Variants in ZPBP observed in about 807,000 individuals in gnomAD.
ZPBP encodes zona pellucida binding protein, also known as zona pellucida-binding protein 1.
In ZPBP, 26 loss-of-function variants were observed where a neutral mutation model predicts 44.8. The ratio of observed to expected loss-of-function variants is 0.58; its 90% CI spans 0.43 to 0.81. The LOEUF is 0.81. ZPBP is among the 30% of genes least tolerant of loss of function. The pLI is 0.00. For missense variants in ZPBP, 409 were observed against 434.0 expected (o/e 0.94, Z 0.51); for synonymous variants, 174 against 153.2 (o/e 1.14, Z -1.00).
At chr7:50,053,798 T>C (rs1038885871) in intron 4 of ZPBP, among the ~76,000 whole-genome samples, 5 of 152,190 alleles carry the variant, frequency 3.3e-5, no homozygotes, top group African/African-American at 1.2e-4. Flanking sequence ...ATATTGAACA[T>C]TGCTCTTTGT....
intron 4 of ZPBP, among the ~76,000 whole-genome samples, chr7:50,045,781 A>C (rs955859037): frequency 6.6e-6 from 1 of 152,218 alleles, no homozygotes; most frequent in Non-Finnish European, 1.5e-5. Flanking sequence ...TTCTTCACAG[A>C]ACTAGAAAAA....
downstream of ZPBP, among the ~76,000 whole-genome samples, chr7:49,849,222 C>T (rs149398959): frequency 1.2e-4 from 18 of 152,340 alleles, no homozygotes; most frequent in East Asian, 3.5e-3. Flanking sequence ...CAGTCACCAT[C>T]TCTTTATCAC....
chr7:50,038,878 G>A (rs1404900844), intron 4 of ZPBP, among the ~76,000 whole-genome samples: 2 of 152,126 alleles, frequency 1.3e-5, no homozygotes, highest in African/African-American at 2.4e-5. Flanking sequence ...GCCATACCAC[G>A]TAGCCTACGT....
intron 2 of ZPBP, among the ~76,000 whole-genome samples, chr7:49,868,617 G>C (rs1303344989): frequency 6.6e-6 from 1 of 152,060 alleles, no homozygotes; most frequent in Non-Finnish European, 1.5e-5. Context: ...CTCATGTAGG[G>C]AGTTTTTTGT....
At chr7:50,008,200 C>A (rs960689763) in intron 6 of ZPBP, among the ~76,000 whole-genome samples, 1 of 151,922 alleles carries the variant, frequency 6.6e-6, no homozygotes, top group African/African-American at 2.4e-5. Flanking sequence ...AATCAACATG[C>A]AAATATCAGT....
intron 7 of ZPBP, among the ~76,000 whole-genome samples, chr7:49,982,778 G>C (rs187728642): frequency 1.3e-5 from 2 of 151,874 alleles, no homozygotes; most frequent in African/African-American, 4.8e-5. Flanking sequence ...CTCAATAATA[G>C]AAATGCAAAG....
At chr7:49,898,979 T>C (rs561567660) in intron 2 of ZPBP, among the ~76,000 whole-genome samples, 106 of 152,036 alleles carry the variant, frequency 7.0e-4, no homozygotes, top group African/African-American at 2.4e-3. Context: ...GTGAGAAATA[T>C]GGCAGATATT....
chr7:49,961,711 T>A (rs1795866961), intron 7 of ZPBP, among the ~76,000 whole-genome samples: 1 of 152,124 alleles, frequency 6.6e-6, no homozygotes, highest in South Asian at 2.1e-4. Context: ...TCCCAATAAG[T>A]GTTAATAGCA....
intron 1 of ZPBP, among the ~76,000 whole-genome samples, chr7:49,928,566 A>G (rs897648922): frequency 2.6e-5 from 4 of 152,318 alleles, no homozygotes; most frequent in Admixed American, 6.5e-5. Context: ...ACAGCACTCT[A>G]TAACTGATGC....
intron 5 of ZPBP, among the ~76,000 whole-genome samples, chr7:50,028,160 AT>A (rs1799421781): frequency 6.6e-6 from 1 of 151,990 alleles, no homozygotes; most frequent in Non-Finnish European, 1.5e-5. Flanking sequence ...TAGCAAACCA[AT>A]TCCAGCAGTA....
intron 5 of ZPBP, among the ~76,000 whole-genome samples, chr7:50,020,973 T>C (rs1799067051): frequency 2.0e-5 from 3 of 152,032 alleles, no homozygotes; most frequent in African/African-American, 7.2e-5. Context: ...TCAGAGGACA[T>C]GACAAAAGAT....
chr7:49,970,422 C>T (rs993813095), intron 7 of ZPBP, among the ~76,000 whole-genome samples: 1 of 143,380 alleles, frequency 7.0e-6, no homozygotes, highest in East Asian at 2.1e-4. Flanking sequence ...ACCAATCAGA[C>T]CTAAGAGTAT....
intron 2 of ZPBP, among the ~76,000 whole-genome samples, chr7:49,868,777 C>G (rs1158055691): frequency 6.6e-6 from 1 of 152,134 alleles, no homozygotes. Context: ...GCCACCATGC[C>G]TGGCTAATTT....
chr7:50,075,643 G>A (rs545500953), intron 3 of ZPBP, among the ~76,000 whole-genome samples: 1 of 151,972 alleles, frequency 6.6e-6, no homozygotes, highest in South Asian at 2.1e-4. Context: ...CAATACATTG[G>A]AAAATCCAGA....
At chr7:49,890,534 C>G (rs897572741) in intron 2 of ZPBP, among the ~76,000 whole-genome samples, 1 of 152,128 alleles carries the variant, frequency 6.6e-6, no homozygotes, top group Non-Finnish European at 1.5e-5. Context: ...TTTCTGCAGG[C>G]TAACTTCTCA....
intron 2 of ZPBP, among the ~76,000 whole-genome samples, chr7:49,861,369 T>A (rs1583698795): frequency 6.6e-6 from 1 of 152,198 alleles, no homozygotes; most frequent in Non-Finnish European, 1.5e-5. Context: ...GGTTTAAGAC[T>A]TTTTTATATT....
intron 2 of ZPBP, among the ~76,000 whole-genome samples, chr7:50,085,168 C>G (rs1296620966): frequency 6.6e-6 from 1 of 152,060 alleles, no homozygotes; most frequent in South Asian, 2.1e-4. Context: ...CAGACAAATA[C>G]AGAGGGAAGA....
intron 7 of ZPBP, among the ~76,000 whole-genome samples, chr7:49,952,709 C>CT (rs1795399918): frequency 6.6e-6 from 1 of 151,888 alleles, no homozygotes; most frequent in Admixed American, 6.6e-5. Flanking sequence ...AAGAAACTAT[C>CT]TTTCGAAACT....
chr7:49,944,969 T>C (rs1192884755), intron 7 of ZPBP, among the ~76,000 whole-genome samples: 6 of 152,308 alleles, frequency 3.9e-5, no homozygotes, highest in African/African-American at 1.2e-4. Flanking sequence ...TCTGCTTTTG[T>C]TGATGTAGGT....
Sources: allele counts gnomAD v4.1 joint callset (sites outside exome capture counted in the v4.1 genomes callset), GRCh38; gene constraint gnomAD v4.1.1; transcripts MANE v1.5; gene names NCBI Gene and HGNC (gene_info 2026-07-23, HGNC 2026-07-21).